STAU1: variants seen among roughly 807,000 people sequenced by gnomAD.
The protein encoded by STAU1 is staufen double-stranded RNA binding protein 1, also known as double-stranded RNA-binding protein Staufen homolog 1.
STAU1 carries 13 observed loss-of-function variants against 62.9 expected under a neutral mutation model. The observed-to-expected ratio is 0.21, with a 90% confidence interval of 0.13 to 0.33. The LOEUF is 0.33. Among genes scored for constraint, STAU1 ranks in the 10% least tolerant of loss-of-function variants. STAU1 has a pLI of 1.00. For missense variants in STAU1, 571 were observed against 712.1 expected, an observed-to-expected ratio of 0.80 and a Z score of 2.25; for synonymous variants, 269 against 265.1, an observed-to-expected ratio of 1.01 and a Z score of -0.14.
In STAU1 at chr20:49,154,059, G is replaced by A; in HGVS notation, c.218C>T (p.Pro73Leu). The change falls in exon 4 of 14, where the codon CCT becomes CTT. Residue 73 changes from proline to leucine, a missense_variant. Transcript: ENST00000371856. ...GCACAGTGCATTTAGTTCTACAGTA[G>A]GGGTTATGCTTTCTGCAAGAAAGAA... ...STSAAAESITPTVELNALCMK... is the reference protein window; with the variant it reads ...STSAAAESITLTVELNALCMK... 4 of 1,601,052 alleles carry A rather than the reference G, an allele frequency of 2.5e-6. No individual in the cohort carries two copies. The highest frequency in any genetic ancestry group is 3.4e-6 in the Non-Finnish European group (4 of 1,176,796).
chr20:49,118,808 T>C (rs1033383819), intron 9 of STAU1, among the ~76,000 whole-genome samples: 8 of 152,226 alleles, frequency 5.3e-5, no homozygotes, highest in African/African-American at 1.9e-4. Context: ...CTGGAGCTGA[T>C]ATCCAATTAA....
At chr20:49,206,719 T>TTATATATATATATATATG in the STAU1 span, among the ~76,000 whole-genome samples, 1 of 106,058 alleles carries the variant, frequency 9.4e-6, no homozygotes, top group Admixed American at 1.3e-4. Flanking sequence ...AAATGAAATT[T>TTATATATATATATATATG]TATATATATA....
At chr20:49,164,014 T>C (rs1600808285) in intron 3 of STAU1, among the ~76,000 whole-genome samples, 1 of 152,220 alleles carries the variant, frequency 6.6e-6, no homozygotes, top group East Asian at 1.9e-4. Flanking sequence ...AGCTGATCAC[T>C]TGAGATCAGG....
rs988195121 is a variant in STAU1, at chr20:49,170,840, T to A, written c.-85+3355A>T. On this transcript the variant is annotated intron_variant, in intron 2 of 13. Transcript: ENST00000371856. ...TCATCCCAATTCTGGAGAAGCCTCC[T>A]TTTCAGATCATCACAAACATTTCAC... Among the ~76,000 whole-genome samples the A allele has an allele frequency of 2.6e-5, 4 of 151,518 alleles. 1 individual carries two copies. Among genetic ancestry groups the A allele is most frequent in the Admixed American group, 2.6e-4 (4 of 15,242 alleles).
chr20:49,196,780 AAAAG>A, the STAU1 span, among the ~76,000 whole-genome samples: 1 of 36,468 alleles, frequency 2.7e-5, no homozygotes, highest in African/African-American at 5.0e-5. Flanking sequence ...AAAAAGGAAA[AAAAG>A]AAAAAAAAAA....
intron 9 of STAU1, among the ~76,000 whole-genome samples, chr20:49,119,696 T>A (rs1376745183): frequency 6.6e-6 from 1 of 152,114 alleles, no homozygotes; most frequent in Admixed American, 6.5e-5. Context: ...TTACCCTTCA[T>A]CCTCATCCTA....
intron 4 of STAU1, among the ~76,000 whole-genome samples, chr20:49,152,762 C>T (rs1004323803): frequency 3.3e-5 from 5 of 152,128 alleles, no homozygotes; most frequent in African/African-American, 1.2e-4. Flanking sequence ...TCAAAAAGTA[C>T]CCAATAATCA....
In STAU1 at chr20:49,113,529, A is replaced by G. The variant is rs757548803; in HGVS notation, c.*1349T>C. ...GAATAAATTAACAAAAAAATTTAGT[A>G]TTACCATTTATTGATGACAAACACT... On this transcript the variant is annotated 3_prime_UTR_variant, in exon 14 of 14. Transcript: ENST00000371856. 1 of 152,664 alleles carries G rather than the reference A, an allele frequency of 6.6e-6. No homozygotes were observed. Among genetic ancestry groups the G allele is most frequent in the Non-Finnish European group, 1.5e-5 (1 of 68,038 alleles). 9.5% of individuals were successfully genotyped at this position (152,664 alleles called of 1,614,324 possible). A position where few individuals can be genotyped will look rare whatever the true frequency, so the allele number is the denominator to read the frequency against.
Position 49,154,043 on chromosome 20 carries a change from AT to A in STAU1, c.233del (p.Asn78MetfsTer5). The A allele has an allele frequency of 1.2e-6, 2 of 1,610,808 alleles. No individual in the cohort carries two copies. Among genetic ancestry groups the A allele is most frequent in the Non-Finnish European group, 1.7e-6 (2 of 1,179,240 alleles). ...TTTTTCCAAGTTTCATGCACAGTGC[AT>A]TTAGTTCTACAGTAGGGGTTATGCT... The part of the protein sequence containing the change: ...AESITPTVEL[N>X]ALCMKLGKKP... On this transcript the variant is annotated frameshift_variant, in exon 4 of 14. Transcript: ENST00000371856. LOFTEE classifies it high-confidence loss of function.
intron 6 of STAU1, chr20:49,134,772 T>C (rs1221460070): frequency 6.8e-6 from 8 of 1,179,346 alleles, no homozygotes; most frequent in East Asian, 2.3e-5. Context: ...ATGTATACAC[T>C]GGGAATCATT....
chr20:49,144,685 A>G (rs2093086216), intron 5 of STAU1, among the ~76,000 whole-genome samples: 1 of 152,182 alleles, frequency 6.6e-6, no homozygotes, highest in Admixed American at 6.6e-5. Context: ...GACTCAAAAG[A>G]TGGTGTCTCT....
chr20:49,172,881 ATT>A (rs1156864554), intron 2 of STAU1, among the ~76,000 whole-genome samples: 7 of 141,462 alleles, frequency 4.9e-5, no homozygotes, highest in Admixed American at 7.1e-5. Flanking sequence ...ATGATAATAC[ATT>A]TTTTTTTTTT....
chr20:49,199,946 G>A, the STAU1 span, among the ~76,000 whole-genome samples: 2 of 152,102 alleles, frequency 1.3e-5, no homozygotes, highest in Non-Finnish European at 2.9e-5. Context: ...GTGGCCTCAA[G>A]AGGTCCTCCC....
Position 49,163,577 on chromosome 20 carries a change from C to T in STAU1, c.205+2420G>A, listed in dbSNP as rs112883238. On this transcript the variant is annotated intron_variant, in intron 3 of 13. Coordinates refer to ENST00000371856, the MANE Select transcript of STAU1 (RefSeq NM_017453.4). ...AGTAGCTGGGAATATAGGCACACAC[C>T]GCTACACCTGGCTAATTTTTGTATT... Among the ~76,000 whole-genome samples, 672 of 151,868 alleles carry T rather than the reference C, an allele frequency of 4.4e-3. 6 individuals are homozygous for T. Among genetic ancestry groups the T allele is most frequent in the African/African-American group, 0.015 (632 of 41,406 alleles).
At chr20:49,147,395 C>A (rs182383415) in intron 5 of STAU1, among the ~76,000 whole-genome samples, 146 of 152,340 alleles carry the variant, frequency 9.6e-4, no homozygotes, top group Admixed American at 2.7e-3. Context: ...TACTGCATAT[C>A]TTCTAGAGAA....
At chr20:49,160,703 G>A (rs2093434727) in intron 3 of STAU1, among the ~76,000 whole-genome samples, 2 of 152,162 alleles carry the variant, frequency 1.3e-5, no homozygotes. Context: ...GGAATGACAA[G>A]GATAACTGAA....
At chr20:49,128,313 A>G (rs1160293669) in intron 6 of STAU1, among the ~76,000 whole-genome samples, 1 of 152,154 alleles carries the variant, frequency 6.6e-6, no homozygotes, top group Non-Finnish European at 1.5e-5. Flanking sequence ...GTACCAAGTG[A>G]GTTCTTTTCT....
intron 5 of STAU1, among the ~76,000 whole-genome samples, chr20:49,145,809 T>C (rs2093119203): frequency 6.6e-6 from 1 of 151,754 alleles, no homozygotes; most frequent in African/African-American, 2.4e-5. Flanking sequence ...AAAGGATCAC[T>C]TGAATCCAGG....
the STAU1 span, among the ~76,000 whole-genome samples, chr20:49,212,691 C>T: frequency 6.9e-6 from 1 of 145,016 alleles, no homozygotes; most frequent in Non-Finnish European, 1.5e-5. Context: ...CTCACCACAA[C>T]CTCCACCTCC....
Sources: gnomAD v4.1 joint callset for allele counts (sites outside exome capture counted in the v4.1 genomes callset) on GRCh38, gnomAD v4.1.1 for gene constraint, MANE v1.5 for transcripts, NCBI Gene and HGNC (gene_info 2026-07-23, HGNC 2026-07-21) for gene names.